Variants in TAOK3 observed in about 807,000 individuals in gnomAD.
TAOK3 encodes TAO kinase 3.
TAOK3 carries 40 observed loss-of-function variants against 120.4 expected under a neutral mutation model. The observed-to-expected ratio is 0.33, with a 90% CI of 0.26 to 0.43. The LOEUF (loss-of-function observed/expected upper bound fraction) is 0.43. Ranked by LOEUF, TAOK3 falls within the 20% of genes least tolerant of loss-of-function variation. The pLI, the probability that TAOK3 is intolerant of heterozygous loss-of-function variation, is 1.00. For synonymous variants in TAOK3, 355 were observed against 387.5 expected, an observed-to-expected ratio of 0.92 and a Z score of 0.99; for missense variants, 821 against 1,112.1, an observed-to-expected ratio of 0.74 and a Z score of 3.72.
intron 16 of TAOK3, among the ~76,000 whole-genome samples, chr12:118,176,913 C>T (rs562817827): frequency 4.1e-4 from 63 of 151,968 alleles, no homozygotes; most frequent in Middle Eastern, 3.4e-3. Context: ...ATTACAAGCA[C>T]GTGCCACCAC....
chr12:118,360,731 A>G (rs2045570851), intron 1 of TAOK3, among the ~76,000 whole-genome samples: 1 of 152,226 alleles, frequency 6.6e-6, no homozygotes, highest in Non-Finnish European at 1.5e-5. Flanking sequence ...AGCATTTCAT[A>G]TATAATGAGG....
At chr12:118,264,709 T>A (rs551918900) in intron 2 of TAOK3, among the ~76,000 whole-genome samples, 2 of 152,332 alleles carry the variant, frequency 1.3e-5, no homozygotes, top group East Asian at 3.9e-4. Flanking sequence ...TCTTTAAATA[T>A]GTACACATTA....
chr12:118,177,087 T>G (rs1436066682), intron 16 of TAOK3, 114 bp downstream of exon 16: 2 of 1,164,128 alleles, frequency 1.7e-6, no homozygotes, highest in Non-Finnish European at 1.2e-6. Context: ...GGTATTCTAA[T>G]GTAAAGTTTG....
Position 118,204,831 on chromosome 12 carries a change from A to T in TAOK3, c.820-3368T>A, listed in dbSNP as rs370857574. 1.2e-4 allele frequency among the ~76,000 whole-genome samples: 19 copies of T among 152,248 alleles called. No individual in the cohort carries two copies. In the South Asian group the frequency reaches 3.7e-3, roughly 30 times the overall value. On this transcript the variant is annotated intron_variant, in intron 11 of 20. Coordinates refer to ENST00000392533, the MANE Select transcript of TAOK3 (RefSeq NM_016281.4). ...GATCACCTGAGACTAAGAGTTCAAG[A>T]GCTGCCTGGCCAACATGGCAAACCC...
At chr12:118,363,727 AGTGTGT>A (rs552898130) in intron 1 of TAOK3, among the ~76,000 whole-genome samples, 4 of 147,398 alleles carry the variant, frequency 2.7e-5, no homozygotes, top group Non-Finnish European at 4.5e-5. Flanking sequence ...TGGTCAAGGC[AGTGTGT>A]GTGTGTGTGT....
chr12:118,163,334 C>T (rs951893366), intron 17 of TAOK3, among the ~76,000 whole-genome samples: 2 of 151,748 alleles, frequency 1.3e-5, no homozygotes, highest in African/African-American at 4.8e-5. Flanking sequence ...TTTTATAAGA[C>T]ATTCCTGTAT....
chr12:118,313,128 TAA>T (rs968455606), intron 1 of TAOK3, among the ~76,000 whole-genome samples: 5 of 152,098 alleles, frequency 3.3e-5, no homozygotes, highest in African/African-American at 1.2e-4. Context: ...AAATCATATA[TAA>T]AGAGACAGCT....
At chr12:118,184,802 A>T (rs1253758156) in intron 14 of TAOK3, among the ~76,000 whole-genome samples, 4 of 152,242 alleles carry the variant, frequency 2.6e-5, no homozygotes, top group Admixed American at 2.6e-4. Flanking sequence ...TGTGTGGAGA[A>T]AAACCTCATC....
Position 118,332,858 on chromosome 12 carries a change from G to C in TAOK3, c.-194+39790C>G, listed in dbSNP as rs1329580390. ...AGCTATATTAATATCAGATAAAGTG[G>C]ACTTCAGAGAAAAGAAAATTACCAG... On this transcript the variant is annotated intron_variant, in intron 1 of 20. Coordinates refer to ENST00000392533, the MANE Select transcript of TAOK3 (RefSeq NM_016281.4). Among the ~76,000 whole-genome samples the C allele has an allele frequency of 2.0e-5, 3 of 152,024 alleles. 1 individual carries two copies. The highest frequency in any genetic ancestry group is 4.4e-5 in the Non-Finnish European group (3 of 68,014).
chr12:118,363,018 C>CAAAAAAAAAAAAAAAA lies in TAOK3; in HGVS notation c.-194+9614_-194+9629dup, dbSNP rs60475060. On this transcript the variant is annotated intron_variant, in intron 1 of 20. Coordinates refer to ENST00000392533, the MANE Select transcript of TAOK3 (RefSeq NM_016281.4). The stretch of plus-strand genomic sequence containing the variant: ...TGGGCAACAGAGAAAGACTCCGTAT[C>CAAAAAAAAAAAAAAAA]AAAAAAAAAAAAAAAAAAAAAAAAA... Among the ~76,000 whole-genome samples, 72 of 45,892 alleles carry CAAAAAAAAAAAAAAAA rather than the reference C, an allele frequency of 1.6e-3. 1 individual carries two copies. The highest frequency in any genetic ancestry group is 2.1e-3 in the Admixed American group (6 of 2,854). The allele number at this position is 45,892 out of a possible 152,430, so 30.1% of individuals were successfully genotyped here.
chr12:118,307,227 C>T (rs992957798), intron 1 of TAOK3, among the ~76,000 whole-genome samples: 10 of 151,958 alleles, frequency 6.6e-5, no homozygotes, highest in African/African-American at 9.7e-5. Flanking sequence ...CCTCTTCCCC[C>T]CCCCATCTCT....
intron 1 of TAOK3, among the ~76,000 whole-genome samples, chr12:118,349,915 T>C (rs916246457): frequency 6.6e-6 from 1 of 152,234 alleles, no homozygotes; most frequent in Non-Finnish European, 1.5e-5. Context: ...AACTGTGGCG[T>C]CTTTAGGATG....
At chr12:118,361,291 C>A (rs11068923) in intron 1 of TAOK3, among the ~76,000 whole-genome samples, 4,914 of 152,148 alleles carry the variant, frequency 0.032, 284 homozygotes, top group East Asian at 0.25. Flanking sequence ...TGAGATACAG[C>A]CATCGTGGAT....
Position 118,201,235 on chromosome 12 carries a change from T to G in TAOK3, c.987+61A>C, listed in dbSNP as rs1268616435. 16 of 1,497,994 alleles carry G rather than the reference T, an allele frequency of 1.1e-5. No homozygotes were observed. The Admixed American group carries it at 2.7e-4, about 26-fold the overall frequency. The allele number at this position is 1,497,994 out of a possible 1,614,324, so 92.8% of individuals were successfully genotyped here. A position where few individuals can be genotyped will look rare whatever the true frequency, so the allele number is the denominator to read the frequency against. On this transcript the variant is annotated intron_variant, in intron 12 of 20. Transcript: ENST00000392533. ...TTCAAAAGTTTTTCATAGTGCCCAGTCTAGAACTTTTTCACATAGTGGGCA... is the reference window on the plus strand; with the variant it reads ...TTCAAAAGTTTTTCATAGTGCCCAGGCTAGAACTTTTTCACATAGTGGGCA...
Position 118,372,300 on chromosome 12 carries a change from C to T in TAOK3, c.-194+348G>A, listed in dbSNP as rs1430948360. Among the ~76,000 whole-genome samples the T allele has an allele frequency of 2.7e-5, 4 of 150,182 alleles. No individual in the cohort carries two copies. Among genetic ancestry groups the T allele is most frequent in the Admixed American group, 2.0e-4 (3 of 15,152 alleles). The stretch of plus-strand genomic sequence containing the variant: ...TTCTGGGACCTGGTCCTTCAGGGGA[C>T]CCCCTCCCCTCATCCCCCTATCCTA... On this transcript the variant is annotated intron_variant, in intron 1 of 20. Coordinates refer to ENST00000392533, the MANE Select transcript of TAOK3 (RefSeq NM_016281.4). This position sits in a 1 kb window ranked among gnomAD's most constrained non-coding sequence, Gnocchi z 4.6.
At position 118,281,216 on chromosome 12, in the gene TAOK3, G is replaced by A. The variant is rs1366668837; in HGVS notation, c.-193-14457C>T. Reference sequence around the variant, plus strand: ...TTCTTTTGCCTGACTTCCCTGGTCAGGACTTCCAGTGCTATGTTGAATAGG... The same window carrying A: ...TTCTTTTGCCTGACTTCCCTGGTCAAGACTTCCAGTGCTATGTTGAATAGG... On this transcript the variant is annotated intron_variant, in intron 1 of 20. Coordinates refer to ENST00000392533, the MANE Select transcript of TAOK3 (RefSeq NM_016281.4). 2.0e-5 allele frequency among the ~76,000 whole-genome samples: 3 copies of A among 152,126 alleles called. No homozygotes were observed. In the East Asian group the frequency reaches 5.8e-4, roughly 29 times the overall value.
In TAOK3 at chr12:118,246,195, C is replaced by T. The variant is rs899829228; in HGVS notation, c.121-1230G>A. 3.4e-5 allele frequency: 48 copies of T among 1,413,574 alleles called. No homozygotes were observed. The Admixed American group carries it at 7.9e-4, about 23-fold the overall frequency. 87.6% of individuals were successfully genotyped at this position (1,413,574 alleles called of 1,614,324 possible). ...CGGCAGTGGCATCCGGGGCCGGGGT[C>T]GCGGCCGTGGACGGGGCCGGGGCCG... On this transcript the variant is annotated intron_variant, in intron 3 of 20. Transcript: ENST00000392533.
intron 1 of TAOK3, among the ~76,000 whole-genome samples, chr12:118,323,012 T>C (rs1045506138): frequency 1.3e-5 from 2 of 152,104 alleles, no homozygotes; most frequent in African/African-American, 4.8e-5. Context: ...CCGCCCGGAC[T>C]TAAAACCCAT....
rs975857937 is a variant in TAOK3, at chr12:118,160,532, A to G, written c.2140-174T>C. Reference sequence around the variant, plus strand: ...TATGACACAGACAAAAGTTAACTCTACCTGTACTTTTGGTTTTATATTGAA... The same window carrying G: ...TATGACACAGACAAAAGTTAACTCTGCCTGTACTTTTGGTTTTATATTGAA... On this transcript the variant is annotated intron_variant, in intron 18 of 20. Coordinates refer to ENST00000392533, the MANE Select transcript of TAOK3 (RefSeq NM_016281.4). The surrounding 1 kb of genome is among the most constrained non-coding windows in gnomAD (Gnocchi z 4.2). 1.3e-5 allele frequency among the ~76,000 whole-genome samples: 2 copies of G among 152,184 alleles called. No individual in the cohort carries two copies. The highest frequency in any genetic ancestry group is 4.8e-5 in the African/African-American group (2 of 41,442).
Sources: gnomAD v4.1 joint callset for allele counts (sites outside exome capture counted in the v4.1 genomes callset) on GRCh38, gnomAD v4.1.1 for gene constraint, Gnocchi (gnomAD v3.1) non-coding constraint, MANE v1.5 for transcripts, NCBI Gene and HGNC (gene_info 2026-07-23, HGNC 2026-07-21) for gene names.